The following SUCLG2 variants were observed in gnomAD, a reference collection of about 807,000 sequenced individuals.
SUCLG2 encodes the protein succinate-CoA ligase GDP-forming subunit beta.
A neutral mutation model predicts 47.9 loss-of-function variants in SUCLG2; 42 were observed. That is an observed-to-expected ratio of 0.88 (90% CI 0.69 to 1.14). The LOEUF (loss-of-function observed/expected upper bound fraction) is 1.14. SUCLG2 is among the 50% of genes most tolerant of loss of function. The pLI, the probability that SUCLG2 is intolerant of heterozygous loss-of-function variation, is 0.00. For synonymous variants in SUCLG2, 195 were observed against 197.3 expected (o/e 0.99, Z 0.10); for missense variants, 571 against 525.9 (o/e 1.09, Z -0.84).
At chr3:67,435,323 A>C (rs566335439) in intron 9 of SUCLG2, among the ~76,000 whole-genome samples, 2 of 152,296 alleles carry the variant, frequency 1.3e-5, no homozygotes, top group African/African-American at 4.8e-5. Flanking sequence ...AATACCTCAA[A>C]CTTTTGCTTC....
intron 9 of SUCLG2, among the ~76,000 whole-genome samples, chr3:67,477,630 G>A (rs1251119059): frequency 6.6e-6 from 1 of 152,186 alleles, no homozygotes; most frequent in Non-Finnish European, 1.5e-5. Flanking sequence ...GAGAGGCAGA[G>A]GTTGCAGTGA....
intron 9 of SUCLG2, among the ~76,000 whole-genome samples, chr3:67,484,424 G>T (rs551111867): frequency 2.0e-4 from 30 of 152,292 alleles, no homozygotes; most frequent in Non-Finnish European, 3.8e-4. Flanking sequence ...AAAAAAATAG[G>T]CTGACAATAT....
At chr3:67,531,926 T>C (rs1706416130) in intron 2 of SUCLG2, among the ~76,000 whole-genome samples, 1 of 152,218 alleles carries the variant, frequency 6.6e-6, no homozygotes, top group Non-Finnish European at 1.5e-5. Context: ...ACTGTTTCTA[T>C]TTATTTAAAG....
chr3:67,631,791 A>C (rs901061096), intron 1 of SUCLG2, among the ~76,000 whole-genome samples: 1 of 152,294 alleles, frequency 6.6e-6, no homozygotes, highest in South Asian at 2.1e-4. Flanking sequence ...AAAGGCACAA[A>C]CCATGTCTCA....
chr3:67,390,368 T>A (rs766453647), intron 10 of SUCLG2, among the ~76,000 whole-genome samples: 1 of 152,222 alleles, frequency 6.6e-6, no homozygotes, highest in Non-Finnish European at 1.5e-5. Context: ...TCAGGCTTGA[T>A]GTAGTGGGAT....
At chr3:67,370,458 GT>G (rs1701937600), downstream of SUCLG2, among the ~76,000 whole-genome samples, 1 of 152,094 alleles carries the variant, frequency 6.6e-6, no homozygotes. Flanking sequence ...AAGGTCACCT[GT>G]TTGTATCCAT....
Position 67,519,540 on chromosome 3 carries a change from TTTCCA to T in SUCLG2, c.570+937_570+941del, listed in dbSNP as rs763981543. Among the ~76,000 whole-genome samples, 13 of 152,186 alleles carry T rather than the reference TTTCCA, an allele frequency of 8.5e-5. No homozygotes were observed. In the East Asian group the frequency reaches 1.2e-3, roughly 14 times the overall value. ...GTAACATTGGTTTCCTTATACATCGTTTCCATTCAAGTCGCAGTTTCCAAGAACCT... is the reference window on the plus strand; with the variant it reads ...GTAACATTGGTTTCCTTATACATCGTTTCAAGTCGCAGTTTCCAAGAACCT... On this transcript the variant is annotated intron_variant, in intron 5 of 10. Transcript: ENST00000307227.
At chr3:67,635,867 T>G (rs565237536) in intron 1 of SUCLG2, among the ~76,000 whole-genome samples, 1 of 152,292 alleles carries the variant, frequency 6.6e-6, no homozygotes, top group South Asian at 2.1e-4. Flanking sequence ...TCGACTCCCC[T>G]CCAGGGTCTC....
At chr3:67,372,327 A>C (rs1489492025), downstream of SUCLG2, among the ~76,000 whole-genome samples, 1 of 152,198 alleles carries the variant, frequency 6.6e-6, no homozygotes. Flanking sequence ...ACTTTGTCAC[A>C]ATTTCCTCAC....
At position 67,642,849 on chromosome 3, in the gene SUCLG2, C is replaced by CTG. The variant is rs140284214; in HGVS notation, c.84+11652_84+11653dup. On this transcript the variant is annotated intron_variant, in intron 1 of 10. Transcript: ENST00000307227. ...CAGGCAAGTCCAGCAGAAAAGGACT[C>CTG]TGTGTGTGTGTGTGTTATCCAGACA... Among the ~76,000 whole-genome samples, 1,466 of 150,878 alleles carry CTG rather than the reference C, an allele frequency of 9.7e-3. 21 individuals are homozygous for CTG. The highest frequency in any genetic ancestry group is 0.034 in the African/African-American group (1,394 of 41,120).
At chr3:67,515,077 C>T (rs750763462) in intron 6 of SUCLG2, among the ~76,000 whole-genome samples, 4 of 152,148 alleles carry the variant, frequency 2.6e-5, no homozygotes, top group Non-Finnish European at 4.4e-5. Context: ...GTAGACATTG[C>T]ATCATCTCAC....
intron 9 of SUCLG2, among the ~76,000 whole-genome samples, chr3:67,463,961 T>C (rs1371460389): frequency 6.6e-6 from 1 of 152,234 alleles, no homozygotes; most frequent in East Asian, 1.9e-4. Flanking sequence ...CATCTGTGAA[T>C]GCCCAGATAA....
In SUCLG2 at chr3:67,471,194, T is replaced by C. The variant is rs572418354; in HGVS notation, c.1062+24604A>G. On this transcript the variant is annotated intron_variant, in intron 9 of 10. Coordinates refer to ENST00000307227, the MANE Select transcript of SUCLG2 (RefSeq NM_003848.4). ...AAATCACATTACTGGTGAATTGAGATGGTATTCAAATGGCATTTGGCCAGA... is the reference window on the plus strand; with the variant it reads ...AAATCACATTACTGGTGAATTGAGACGGTATTCAAATGGCATTTGGCCAGA... 8.5e-5 allele frequency among the ~76,000 whole-genome samples: 13 copies of C among 152,306 alleles called. No homozygotes were observed. In the South Asian group the frequency reaches 2.5e-3, roughly 29 times the overall value.
rs1700864269 is a variant in SUCLG2 at position 67,628,005 on chromosome 3, T to A, written c.85-18409A>T. Among the ~76,000 whole-genome samples, 11 of 152,302 alleles carry A rather than the reference T, an allele frequency of 7.2e-5. No individual in the cohort carries two copies. In the South Asian group the frequency reaches 2.1e-3, roughly 29 times the overall value. ...AGTTAGTGGTGGTTTTTTTTGGAGT[T>A]TTTTGCCCTTCTAGTCCTCCAATAC... On this transcript the variant is annotated intron_variant, in intron 1 of 10. Coordinates refer to ENST00000307227, the MANE Select transcript of SUCLG2 (RefSeq NM_003848.4).
chr3:67,382,142 T>TATTA, intron 10 of SUCLG2, among the ~76,000 whole-genome samples: 1 of 152,348 alleles, frequency 6.6e-6, no homozygotes, highest in African/African-American at 2.4e-5. Flanking sequence ...ATTGAGTACA[T>TATTA]ATTAGGTGCA....
intron 2 of SUCLG2, among the ~76,000 whole-genome samples, chr3:67,598,495 C>T (rs527797452): frequency 1.2e-4 from 19 of 152,268 alleles, no homozygotes; most frequent in African/African-American, 4.1e-4. Flanking sequence ...ATCACCTACA[C>T]CGAAGAGACA....
At chr3:67,632,275 T>C (rs1700941105) in intron 1 of SUCLG2, among the ~76,000 whole-genome samples, 1 of 152,070 alleles carries the variant, frequency 6.6e-6, no homozygotes, top group African/African-American at 2.4e-5. Context: ...CTCCCCTTCT[T>C]GGGTTCAAGC....
At chr3:67,576,924 A>T (rs372490841) in intron 2 of SUCLG2, among the ~76,000 whole-genome samples, 4 of 151,268 alleles carry the variant, frequency 2.6e-5, no homozygotes, top group Non-Finnish European at 5.9e-5. Context: ...TTTTTATTTT[A>T]TTTTTTTTTA....
intron 2 of SUCLG2, among the ~76,000 whole-genome samples, chr3:67,548,619 A>C (rs553905685): frequency 2.6e-5 from 4 of 152,346 alleles, no homozygotes; most frequent in Admixed American, 2.6e-4. Context: ...ATGTGTACCA[A>C]TCAATAAGTT....
Sources: gnomAD v4.1 joint callset for allele counts (sites outside exome capture counted in the v4.1 genomes callset) on GRCh38, gnomAD v4.1.1 for gene constraint, MANE v1.5 for transcripts, NCBI Gene and HGNC (gene_info 2026-07-23, HGNC 2026-07-21) for gene names.